ABCC4: variants seen among roughly 807,000 people sequenced by gnomAD.
ABCC4 encodes ATP binding cassette subfamily C member 4 (PEL blood group), also known as ATP-binding cassette sub-family C member 4.
A neutral mutation model predicts 168.5 loss-of-function variants in ABCC4; 102 were observed. That is an observed-to-expected ratio of 0.61 (90% CI 0.52 to 0.71). ABCC4 has a LOEUF of 0.71. ABCC4 is among the 30% of genes least tolerant of loss of function. ABCC4 has a pLI of 0.00. For synonymous variants in ABCC4, 617 were observed against 590.7 expected (o/e 1.04, Z -0.65); for missense variants, 1,402 against 1,605.8 (o/e 0.87, Z 2.17).
chr13:95,164,731 G>A (rs533818360), intron 15 of ABCC4, among the ~76,000 whole-genome samples: 1 of 152,140 alleles, frequency 6.6e-6, no homozygotes, highest in South Asian at 2.1e-4. Flanking sequence ...TTTTGCTCAT[G>A]TTTCCCAGGC....
intron 20 of ABCC4, 131 bp downstream of exon 20, chr13:95,115,791 A>G (rs2035355790): frequency 2.7e-6 from 2 of 727,280 alleles, no homozygotes; most frequent in Non-Finnish European, 4.7e-6. Context: ...TTTTACAAAC[A>G]TGGCCCTTTA....
In ABCC4 at chr13:95,244,643, A is replaced by AAG. The variant is rs1491314554; in HGVS notation, c.306+2330_306+2331dup. On this transcript the variant is annotated intron_variant, in intron 3 of 30. Coordinates refer to ENST00000645237, the MANE Select transcript of ABCC4 (RefSeq NM_005845.5). ...AAAGAAAGAAAGAAAGAAAGAAAGA[A>AAG]AGAAAGAAAGAAAGAAAGAAAGAAA... Among the ~76,000 whole-genome samples the AAG allele has an allele frequency of 5.7e-5, 5 of 87,230 alleles. 1 individual carries two copies. The highest frequency in any genetic ancestry group is 1.1e-4 in the African/African-American group (2 of 18,594). The allele number at this position is 87,230 out of a possible 152,430, so 57.2% of individuals were successfully genotyped here. A position where few individuals can be genotyped will look rare whatever the true frequency, so the allele number is the denominator to read the frequency against.
chr13:95,207,766 A>C, intron 7 of ABCC4, 34 bp downstream of exon 7: 1 of 1,588,948 alleles, frequency 6.3e-7, no homozygotes, highest in Non-Finnish European at 8.6e-7. Flanking sequence ...ATAGAAAAAT[A>C]CAAAAATATG....
intron 19 of ABCC4, among the ~76,000 whole-genome samples, chr13:95,151,629 AAGG>A (rs2036690448): frequency 6.8e-6 from 1 of 147,060 alleles, no homozygotes; most frequent in Admixed American, 6.7e-5. Context: ...GAAGGAGAAG[AAGG>A]AGGAGAAGGA....
chr13:95,088,007 T>A lies in ABCC4; in HGVS notation c.2536-4717A>T, dbSNP rs187605193. ...TCCCTTGGGATACATTAATCACTCC[T>A]TTCATCCCTCATATGCTAATCTGAT... On this transcript the variant is annotated intron_variant, in intron 20 of 30. Coordinates refer to ENST00000645237, the MANE Select transcript of ABCC4 (RefSeq NM_005845.5). Among the ~76,000 whole-genome samples the A allele has an allele frequency of 2.4e-4, 36 of 152,320 alleles. No homozygotes were observed. In the East Asian group the frequency reaches 5.8e-3, roughly 24 times the overall value.
At chr13:95,132,732 G>A (rs1170305940) in intron 19 of ABCC4, among the ~76,000 whole-genome samples, 1 of 152,108 alleles carries the variant, frequency 6.6e-6, no homozygotes, top group Non-Finnish European at 1.5e-5. Flanking sequence ...ATATTATTCA[G>A]CTTTAAGATG....
At chr13:95,032,687 C>A (rs113838324) in intron 30 of ABCC4, among the ~76,000 whole-genome samples, 3 of 149,684 alleles carry the variant, frequency 2.0e-5, no homozygotes, top group Non-Finnish European at 4.4e-5. Flanking sequence ...TTTTTTGAGA[C>A]GCAGTTTCGC....
chr13:95,205,846 T>C (rs888675065), intron 8 of ABCC4, among the ~76,000 whole-genome samples: 3 of 152,170 alleles, frequency 2.0e-5, no homozygotes, highest in East Asian at 1.9e-4. Context: ...TCCTCCACGA[T>C]GGGAGGACAC....
rs2041432872 is a variant in ABCC4, at chr13:95,292,721, T to C, written c.74+8520A>G. Among the ~76,000 whole-genome samples the C allele has an allele frequency of 1.3e-5, 2 of 152,102 alleles. 1 individual carries two copies. The highest frequency in any genetic ancestry group is 4.2e-4 in the South Asian group (2 of 4,800). Reference sequence around the variant, plus strand: ...TGTACTGAGTGTGGGCTAGAAGATCTCTTCCTTTCAACCCACTAATTCTAT... The same window carrying C: ...TGTACTGAGTGTGGGCTAGAAGATCCCTTCCTTTCAACCCACTAATTCTAT... On this transcript the variant is annotated intron_variant, in intron 1 of 30. Coordinates refer to ENST00000645237, the MANE Select transcript of ABCC4 (RefSeq NM_005845.5).
intron 19 of ABCC4, among the ~76,000 whole-genome samples, chr13:95,159,862 G>A (rs1452222457): frequency 6.6e-6 from 1 of 152,184 alleles, no homozygotes; most frequent in African/African-American, 2.4e-5. Context: ...ATGTAAAACA[G>A]AGAGGGTAGG....
intron 1 of ABCC4, among the ~76,000 whole-genome samples, chr13:95,263,417 T>C (rs1161830588): frequency 6.6e-6 from 1 of 152,192 alleles, no homozygotes; most frequent in East Asian, 1.9e-4. Context: ...TGTGTGTGTA[T>C]ATATATACAC....
chr13:95,241,558 C>T (rs1047048482), intron 3 of ABCC4, among the ~76,000 whole-genome samples: 1 of 152,092 alleles, frequency 6.6e-6, no homozygotes, highest in Non-Finnish European at 1.5e-5. Context: ...TGGGTGGATA[C>T]TTGCTCAGTC....
chr13:95,248,539 T>C (rs1486274585), intron 1 of ABCC4, among the ~76,000 whole-genome samples: 1 of 152,190 alleles, frequency 6.6e-6, no homozygotes, highest in African/African-American at 2.4e-5. Context: ...GGTCATCCAT[T>C]AGGAATCACT....
intron 19 of ABCC4, among the ~76,000 whole-genome samples, chr13:95,158,557 G>A (rs552329058): frequency 3.3e-5 from 5 of 152,242 alleles, no homozygotes; most frequent in African/African-American, 1.2e-4. Flanking sequence ...AGGATGCTGA[G>A]CTCATAGGAA....
chr13:95,296,128 G>C (rs2041524380), intron 1 of ABCC4, among the ~76,000 whole-genome samples: 1 of 141,542 alleles, frequency 7.1e-6, no homozygotes, highest in African/African-American at 2.7e-5. Context: ...GCAAGACCCT[G>C]TCTCAAAACA....
chr13:95,075,567 G>A lies in ABCC4; in HGVS notation c.2687-16C>T, dbSNP rs1594054592. On this transcript the variant is annotated splice_polypyrimidine_tract_variant and intron_variant, in intron 21 of 30. Coordinates refer to ENST00000645237, the MANE Select transcript of ABCC4 (RefSeq NM_005845.5). Reference sequence around the variant, plus strand: ...GGACTCCGAGCTGGGGAAACAGACAGAGAAAACAGCTCAGTGAGGCTGGGT... The same window carrying A: ...GGACTCCGAGCTGGGGAAACAGACAAAGAAAACAGCTCAGTGAGGCTGGGT... 6.2e-7 allele frequency: 1 copy of A among 1,613,886 alleles called. No homozygotes were observed. The highest frequency in any genetic ancestry group is 8.5e-7 in the Non-Finnish European group (1 of 1,179,906).
intron 14 of ABCC4, among the ~76,000 whole-genome samples, chr13:95,170,037 T>C (rs1311671292): frequency 6.6e-6 from 1 of 152,110 alleles, no homozygotes; most frequent in African/African-American, 2.4e-5. Context: ...TTTGTATTTT[T>C]AGTAGAGACG....
At chr13:95,056,044 G>A (rs1054471547) in intron 26 of ABCC4, among the ~76,000 whole-genome samples, 1 of 152,122 alleles carries the variant, frequency 6.6e-6, no homozygotes, top group Admixed American at 6.5e-5. Context: ...TGGAAGACAA[G>A]CCTCTCATTA....
chr13:95,167,500 T>C (rs2037321316), intron 14 of ABCC4, among the ~76,000 whole-genome samples: 1 of 151,858 alleles, frequency 6.6e-6, no homozygotes, highest in Non-Finnish European at 1.5e-5. Context: ...GCTACCCCAA[T>C]CCTCCCCACC....
Sources: gnomAD v4.1 joint callset for allele counts (sites outside exome capture counted in the v4.1 genomes callset) on GRCh38, gnomAD v4.1.1 for gene constraint, MANE v1.5 for transcripts, NCBI Gene and HGNC (gene_info 2026-07-23, HGNC 2026-07-21) for gene names.